ADRA1A: variants seen among roughly 807,000 people sequenced by gnomAD.
The protein encoded by ADRA1A is adrenoceptor alpha 1A.
ADRA1A carries 31 observed loss-of-function variants against 29.6 expected under a neutral mutation model. The observed-to-expected ratio is 1.05, with a 90% CI of 0.79 to 1.41. The LOEUF (loss-of-function observed/expected upper bound fraction) is 1.41. ADRA1A is among the 40% of genes most tolerant of loss of function. ADRA1A has a pLI of 0.00. For synonymous variants in ADRA1A, 311 were observed against 254.3 expected (o/e 1.22, Z -2.12); for missense variants, 619 against 601.1 (o/e 1.03, Z -0.31).
intron 2 of ADRA1A, among the ~76,000 whole-genome samples, chr8:26,850,142 C>T (rs1187435930): frequency 6.6e-6 from 1 of 151,626 alleles, no homozygotes; most frequent in Non-Finnish European, 1.5e-5. Flanking sequence ...GGCTTTAGAG[C>T]AAAAGGTGCA....
chr8:26,808,253 G>T (rs1376427697), intron 2 of ADRA1A, among the ~76,000 whole-genome samples: 1 of 151,962 alleles, frequency 6.6e-6, no homozygotes, highest in Admixed American at 6.6e-5. Flanking sequence ...TCTACATATT[G>T]CTTTTTCCAC....
intron 2 of ADRA1A, among the ~76,000 whole-genome samples, chr8:26,808,171 C>T (rs1192563094): frequency 6.6e-6 from 1 of 152,122 alleles, no homozygotes; most frequent in Non-Finnish European, 1.5e-5. Flanking sequence ...GTGTTTTATG[C>T]AAATATAAGA....
chr8:26,803,343 C>G (rs1303472819), intron 2 of ADRA1A, among the ~76,000 whole-genome samples: 1 of 151,904 alleles, frequency 6.6e-6, no homozygotes, highest in African/African-American at 2.4e-5. Flanking sequence ...GTCATGTACT[C>G]CATAAATGTA....
rs1040198142 is a variant in ADRA1A at position 26,824,463 on chromosome 8, T to C, written c.883+39624A>G. On this transcript the variant is annotated intron_variant, in intron 2 of 2. Coordinates refer to ENST00000380573, the MANE Select transcript of ADRA1A (RefSeq NM_000680.4). ...CCATGATACCAACATTGTAAGGTTA[T>C]TGTGAGGATCGAACAAGGTAATGCC... is the stretch of plus-strand genomic sequence containing the variant. 2.6e-5 allele frequency among the ~76,000 whole-genome samples: 4 copies of C among 152,168 alleles called. No individual in the cohort carries two copies. In the East Asian group the frequency reaches 5.8e-4, roughly 22 times the overall value.
chr8:26,807,101 A>G (rs1019323483), intron 2 of ADRA1A, among the ~76,000 whole-genome samples: 1 of 152,242 alleles, frequency 6.6e-6, no homozygotes, highest in African/African-American at 2.4e-5. Flanking sequence ...GAAGCCTTGT[A>G]ATACTTTTCA....
At position 26,865,099 on chromosome 8, in the gene ADRA1A, G is replaced by T. The variant is rs1287360904; in HGVS notation, c.-130C>A. The T allele has an allele frequency of 6.7e-7, 1 of 1,493,626 alleles. No homozygotes were observed. Among genetic ancestry groups the T allele is most frequent in the Non-Finnish European group, 8.8e-7 (1 of 1,132,056 alleles). 92.5% of individuals were successfully genotyped at this position (1,493,626 alleles called of 1,614,324 possible). A position where few individuals can be genotyped will look rare whatever the true frequency, so the allele number is the denominator to read the frequency against. On this transcript the variant is annotated 5_prime_UTR_variant, in exon 2 of 3. Transcript: ENST00000380573. The surrounding 1 kb of genome is among the most constrained non-coding windows in gnomAD (Gnocchi z 7.6). Reference sequence around the variant, plus strand: ...GGAGCCCTGCCAGGTGGGTTTGGCTGGGGGTGAGAGCGCGCGCGCGGGTGG... The same window carrying T: ...GGAGCCCTGCCAGGTGGGTTTGGCTTGGGGTGAGAGCGCGCGCGCGGGTGG...
rs979165659 is a variant in ADRA1A, at chr8:26,866,176, C to T, written c.-686-521G>A. Among the ~76,000 whole-genome samples the T allele has an allele frequency of 5.9e-5, 9 of 152,238 alleles. 2 individuals are homozygous for T. Among genetic ancestry groups the T allele is most frequent in the Admixed American group, 5.2e-4 (8 of 15,290 alleles). On this transcript the variant is annotated intron_variant, in intron 1 of 2. Transcript: ENST00000380573. The surrounding 1 kb of genome is among the most constrained non-coding windows in gnomAD (Gnocchi z 5.7). ...ACCACGAGCACGCTCACTCTCACGC[C>T]GGTGGAATTCGCACTCGGGTGTGCA... is the stretch of plus-strand genomic sequence containing the variant.
chr8:26,850,740 C>T (rs1013924131), intron 2 of ADRA1A, among the ~76,000 whole-genome samples: 2 of 152,224 alleles, frequency 1.3e-5, no homozygotes, highest in Non-Finnish European at 2.9e-5. Flanking sequence ...GATCCGCCCA[C>T]CTCGGCCTCC....
At position 26,864,218 on chromosome 8, in the gene ADRA1A, G is replaced by C. The variant is rs778643760; in HGVS notation, c.752C>G (p.Ala251Gly). The C allele has an allele frequency of 3.1e-6, 5 of 1,614,174 alleles. No individual in the cohort carries two copies. Among genetic ancestry groups the C allele is most frequent in the Non-Finnish European group, 4.2e-6 (5 of 1,180,040 alleles). ...APAGGSGMAS[A>G]KTKTHFSVRL... is the part of the protein sequence containing the mutation. ...CACTGAGAAGTGCGTCTTGGTCTTG[G>C]CGCTGGCCATCCCGCTGCCTCCTGC... Residue 251 changes from alanine (A) to glycine (G), a missense_variant, in exon 2 of 3, where the codon GCC becomes GGC. Ala to Gly is a moderately conservative substitution (Grantham distance 60, BLOSUM62 0). Coordinates refer to ENST00000380573, the MANE Select transcript of ADRA1A (RefSeq NM_000680.4). This position sits in a 1 kb window ranked among gnomAD's most constrained non-coding sequence, Gnocchi z 8.1.
intron 2 of ADRA1A, among the ~76,000 whole-genome samples, chr8:26,843,631 A>G (rs992790130): frequency 6.6e-6 from 1 of 152,232 alleles, no homozygotes; most frequent in African/African-American, 2.4e-5. Context: ...ATACCTCCTC[A>G]TCAACATATA....
chr8:26,838,288 C>T (rs1403395260), intron 2 of ADRA1A, among the ~76,000 whole-genome samples: 1 of 152,134 alleles, frequency 6.6e-6, no homozygotes, highest in African/African-American at 2.4e-5. Context: ...CTGTATGAAT[C>T]TATATCTGAA....
At chr8:26,788,976 C>T (rs4636218) in intron 2 of ADRA1A, among the ~76,000 whole-genome samples, 144 of 152,072 alleles carry the variant, frequency 9.5e-4, no homozygotes, top group South Asian at 6.7e-3. Context: ...GATACATGTG[C>T]GGAACGTGCA....
chr8:26,834,107 G>A (rs1272598827), intron 2 of ADRA1A, among the ~76,000 whole-genome samples: 1 of 152,166 alleles, frequency 6.6e-6, no homozygotes, highest in Non-Finnish European at 1.5e-5. Context: ...TTATATGCCA[G>A]CATTAATTGT....
At chr8:26,748,576 TA>T in exon 3 of ADRA1A, 2 of 410,732 alleles carry the variant, frequency 4.9e-6, no homozygotes, top group Admixed American at 2.7e-5. Context: ...CCGTCTCTAC[TA>T]AAAATACAAA....
At chr8:26,761,681 T>C (rs1329845168), downstream of ADRA1A, among the ~76,000 whole-genome samples, 1 of 152,236 alleles carries the variant, frequency 6.6e-6, no homozygotes, top group Admixed American at 6.5e-5. Context: ...ATTTCTCTTT[T>C]TGAAGCCACC....
chr8:26,790,554 G>A (rs1807743200), intron 2 of ADRA1A, among the ~76,000 whole-genome samples: 1 of 152,140 alleles, frequency 6.6e-6, no homozygotes, highest in Non-Finnish European at 1.5e-5. Context: ...ACTATAAGAT[G>A]ACTATAGTTA....
downstream of ADRA1A, among the ~76,000 whole-genome samples, chr8:26,761,097 G>C (rs1805483437): frequency 6.6e-6 from 1 of 152,196 alleles, no homozygotes; most frequent in African/African-American, 2.4e-5. Context: ...TCCTCTAGTT[G>C]AGAAGACAGA....
intron 2 of ADRA1A, among the ~76,000 whole-genome samples, chr8:26,852,427 AAATT>A (rs1563308683): frequency 6.6e-6 from 1 of 152,152 alleles, no homozygotes; most frequent in Admixed American, 6.5e-5. Context: ...AATGACTAAT[AAATT>A]CAGGACTTGG....
intron 2 of ADRA1A, chr8:26,859,098 C>T (rs1382310268): frequency 7.8e-7 from 1 of 1,288,998 alleles, no homozygotes; most frequent in East Asian, 5.5e-5. Flanking sequence ...ATAGCACACT[C>T]ATCCCTGCCC....
Sources: gnomAD v4.1 joint callset for allele counts (sites outside exome capture counted in the v4.1 genomes callset) on GRCh38, gnomAD v4.1.1 for gene constraint, Gnocchi (gnomAD v3.1) non-coding constraint, MANE v1.5 for transcripts, NCBI Gene and HGNC (gene_info 2026-07-23, HGNC 2026-07-21) for gene names.